Variants in TM4SF20 observed in about 807,000 individuals in gnomAD.
TM4SF20 encodes transmembrane 4 L six family member 20.
In TM4SF20, 13 loss-of-function variants were observed where a neutral mutation model predicts 15.1. That is an observed-to-expected ratio of 0.86 (90% CI 0.56 to 1.36). The LOEUF (loss-of-function observed/expected upper bound fraction) is 1.36, where lower values mean the gene tolerates loss of function less well. Among genes scored for constraint, TM4SF20 ranks in the 40% most tolerant of loss-of-function variants. TM4SF20 has a pLI of 0.00. For missense variants in TM4SF20, 282 were observed against 268.4 expected, an observed-to-expected ratio of 1.05 and a Z score of -0.35; for synonymous variants, 92 against 96.6, an observed-to-expected ratio of 0.95 and a Z score of 0.28.
intron 2 of TM4SF20, 34 bp downstream of exon 2, chr2:227,370,881 A>G (rs1222111904): frequency 1.3e-6 from 2 of 1,596,782 alleles, no homozygotes; most frequent in Non-Finnish European, 1.7e-6. Context: ...CTGTTCATGC[A>G]CTTCTGCTTC....
At chr2:227,364,256 A>T (rs1453453295) in intron 3 of TM4SF20, among the ~76,000 whole-genome samples, 1 of 152,186 alleles carries the variant, frequency 6.6e-6, no homozygotes, top group Non-Finnish European at 1.5e-5. Flanking sequence ...GTTGAACGGT[A>T]TGAAACTGCT....
At chr2:227,373,921 CCGTCTCAAA>C (rs1410840910) in intron 1 of TM4SF20, among the ~76,000 whole-genome samples, 1 of 57,172 alleles carries the variant, frequency 1.7e-5, no homozygotes, top group Non-Finnish European at 3.5e-5. Context: ...GAGCGAGACT[CCGTCTCAAA>C]AAAAAAAAAA....
upstream of TM4SF20, among the ~76,000 whole-genome samples, chr2:227,380,903 C>A (rs2076476768): frequency 1.3e-5 from 2 of 152,186 alleles, no homozygotes; most frequent in South Asian, 2.1e-4. Flanking sequence ...TAGCTCCAGA[C>A]TAGGGGGTCC....
chr2:227,368,789 C>CA (rs1253347494), intron 2 of TM4SF20, among the ~76,000 whole-genome samples: 1 of 152,140 alleles, frequency 6.6e-6, no homozygotes, highest in Non-Finnish European at 1.5e-5. Context: ...TATTCAGAAG[C>CA]AAAAATAAGA....
chr2:227,381,040 C>T (rs182130904), upstream of TM4SF20, among the ~76,000 whole-genome samples: 806 of 152,174 alleles, frequency 5.3e-3, 4 homozygotes, highest in African/African-American at 0.018. Flanking sequence ...TTTGGGAGGG[C>T]GAGGTGGGAG....
chr2:227,375,352 C>T (rs748298694), intron 1 of TM4SF20, among the ~76,000 whole-genome samples: 6 of 152,100 alleles, frequency 3.9e-5, no homozygotes, highest in Non-Finnish European at 8.8e-5. Flanking sequence ...GTGCTCACAG[C>T]ACTGCATTCT....
rs142002580 is a variant in TM4SF20 at position 227,370,279 on chromosome 2, C to A, written c.249+636G>T. On this transcript the variant is annotated intron_variant, in intron 2 of 3. Transcript: ENST00000304568. ...TATATACGCCACAAAAATATCACAC[C>A]CGAGTATTATGAAATTGATTGCAGC... Among the ~76,000 whole-genome samples the A allele has an allele frequency of 3.9e-5, 6 of 152,170 alleles. No individual in the cohort carries two copies. In the East Asian group the frequency reaches 1.2e-3, roughly 29 times the overall value.
intron 2 of TM4SF20, among the ~76,000 whole-genome samples, chr2:227,367,817 C>T (rs2076400367): frequency 6.6e-6 from 1 of 152,010 alleles, no homozygotes; most frequent in South Asian, 2.1e-4. Flanking sequence ...GATGAGAAAA[C>T]TGTGTATCAT....
intron 1 of TM4SF20, among the ~76,000 whole-genome samples, chr2:227,378,485 A>C (rs535488290): frequency 2.6e-5 from 4 of 152,296 alleles, no homozygotes; most frequent in African/African-American, 9.6e-5. Flanking sequence ...CCTAGTAACA[A>C]TCACCAAACT....
intron 1 of TM4SF20, among the ~76,000 whole-genome samples, chr2:227,376,805 C>G (rs1049798212): frequency 4.6e-5 from 7 of 152,184 alleles, no homozygotes; most frequent in Admixed American, 4.6e-4. Flanking sequence ...AGAGTTTTGA[C>G]GTCAGATAAA....
chr2:227,379,944 C>A (rs1299143882), upstream of TM4SF20, among the ~76,000 whole-genome samples: 1 of 152,242 alleles, frequency 6.6e-6, no homozygotes, highest in African/African-American at 2.4e-5. Context: ...ATGTGCAGTA[C>A]TTTACATCTC....
chr2:227,363,785 A>C lies in TM4SF20; in HGVS notation c.629T>G (p.Ile210Arg), dbSNP rs1342250251. Residue 210 changes from isoleucine to arginine, a missense_variant, in exon 4 of 4, where the codon ATA becomes AGA. Coordinates refer to ENST00000304568, the MANE Select transcript of TM4SF20 (RefSeq NM_024795.4). ...ILEVLFGLSQ[I>R]VIGFLGCLCG... Reference sequence around the variant, plus strand: ...CAGACAGCCAAGGAAACCGATGACTATCTGACTGAGCCCAAACAGGACCTC... The same window carrying C: ...CAGACAGCCAAGGAAACCGATGACTCTCTGACTGAGCCCAAACAGGACCTC... The C allele has an allele frequency of 1.2e-6, 2 of 1,614,104 alleles. No individual in the cohort carries two copies. Among genetic ancestry groups the C allele is most frequent in the African/African-American group, 1.3e-5 (1 of 74,940 alleles).
intron 1 of TM4SF20, among the ~76,000 whole-genome samples, chr2:227,376,693 TG>T (rs2076452235): frequency 6.6e-6 from 1 of 152,264 alleles, no homozygotes; most frequent in Non-Finnish European, 1.5e-5. Flanking sequence ...CTCAGTTTCC[TG>T]GTCACTTGAC....
rs1560005384 is a variant in TM4SF20 at position 227,370,999 on chromosome 2, G to A, written c.184-19C>T. On this transcript the variant is annotated intron_variant, in intron 1 of 3. Coordinates refer to ENST00000304568, the MANE Select transcript of TM4SF20 (RefSeq NM_024795.4). ...GAATGGCCTGGAAATGACATCAACA[G>A]GAAAGATGAGTATTATAACTTCTCA... 6.2e-7 allele frequency: 1 copy of A among 1,605,064 alleles called. No individual in the cohort carries two copies.
At chr2:227,380,000 T>C (rs2076472052), upstream of TM4SF20, among the ~76,000 whole-genome samples, 1 of 152,184 alleles carries the variant, frequency 6.6e-6, no homozygotes. Flanking sequence ...GTGAGCTCCT[T>C]GAGAAAAGAC....
chr2:227,373,660 G>T (rs974478028), intron 1 of TM4SF20, among the ~76,000 whole-genome samples: 2 of 152,090 alleles, frequency 1.3e-5, no homozygotes, highest in Non-Finnish European at 2.9e-5. Flanking sequence ...GCCGGGCGCG[G>T]TGGCTCACGT....
intron 3 of TM4SF20, among the ~76,000 whole-genome samples, chr2:227,365,503 C>A (rs556645657): frequency 6.6e-6 from 1 of 152,160 alleles, no homozygotes; most frequent in Non-Finnish European, 1.5e-5. Context: ...CTTGTTATTA[C>A]ATGACTTAAA....
chr2:227,366,716 CAAAAAAAAAAAAAAAAAAA>C lies in TM4SF20; in HGVS notation c.250-491_250-473del, dbSNP rs59401554. Among the ~76,000 whole-genome samples, 503 of 68,180 alleles carry C rather than the reference CAAAAAAAAAAAAAAAAAAA, an allele frequency of 7.4e-3. 6 individuals carry two copies. Among genetic ancestry groups the C allele is most frequent in the African/African-American group, 0.023 (450 of 19,758 alleles). 44.7% of individuals were successfully genotyped at this position (68,180 alleles called of 152,430 possible). On this transcript the variant is annotated intron_variant, in intron 2 of 3. Coordinates refer to ENST00000304568, the MANE Select transcript of TM4SF20 (RefSeq NM_024795.4). The stretch of plus-strand genomic sequence containing the variant: ...GCTGGGTGACAGAGCAAGACTCTGT[CAAAAAAAAAAAAAAAAAAA>C]AAAAAAAAAAAAAAAAAAAAAGATG...
intron 2 of TM4SF20, 85 bp downstream of exon 2, chr2:227,370,830 G>T: frequency 9.3e-7 from 1 of 1,076,190 alleles, no homozygotes; most frequent in Non-Finnish European, 1.4e-6. Context: ...TGATTCGGTA[G>T]ATGCGAGTGA....
Sources: gnomAD v4.1 joint callset for allele counts (sites outside exome capture counted in the v4.1 genomes callset) on GRCh38, gnomAD v4.1.1 for gene constraint, MANE v1.5 for transcripts, NCBI Gene and HGNC (gene_info 2026-07-23, HGNC 2026-07-21) for gene names.